Variants in CAMTA1 observed in about 807,000 individuals in gnomAD.
The protein encoded by CAMTA1 is calmodulin-binding transcription activator 1.
Under a neutral mutation model 170.9 loss-of-function variants are expected in CAMTA1, and 27 were observed. The ratio of observed to expected loss-of-function variants is 0.16; its 90% CI spans 0.12 to 0.22. The LOEUF (loss-of-function observed/expected upper bound fraction) is 0.22. Ranked by LOEUF, CAMTA1 falls within the 10% of genes least tolerant of loss-of-function variation. The pLI, the probability that CAMTA1 is intolerant of heterozygous loss-of-function variation, is 1.00. For missense variants in CAMTA1, 1,619 were observed against 2,217.2 expected (o/e 0.73, Z 5.42); for synonymous variants, 833 against 891.5 (o/e 0.93, Z 1.17).
At chr1:7,382,919 G>A (rs1193262088) in intron 5 of CAMTA1, among the ~76,000 whole-genome samples, 1 of 152,100 alleles carries the variant, frequency 6.6e-6, no homozygotes, top group Non-Finnish European at 1.5e-5. Flanking sequence ...TTGAGAAAAT[G>A]CTTTCCTTTT....
At chr1:7,221,311 C>G (rs1660722345) in intron 4 of CAMTA1, among the ~76,000 whole-genome samples, 1 of 151,854 alleles carries the variant, frequency 6.6e-6, no homozygotes, top group Non-Finnish European at 1.5e-5. Context: ...CACTCAAGCA[C>G]TTGATGGGTA....
Position 7,592,845 on chromosome 1 carries a change from TG to T in CAMTA1, c.511-47554del, listed in dbSNP as rs552906834. ...GTAACAACAGTAATAGCTATGGCCA[TG>T]TGTTAAACATTAGGGCGGGATCAGG... On this transcript the variant is annotated intron_variant, in intron 6 of 22. Transcript: ENST00000303635. The surrounding 1 kb of genome is among the most constrained non-coding windows in gnomAD (Gnocchi z 4.6). 7.9e-5 allele frequency among the ~76,000 whole-genome samples: 12 copies of T among 152,284 alleles called. No individual in the cohort carries two copies. In the South Asian group the frequency reaches 2.3e-3, roughly 29 times the overall value.
At chr1:7,327,144 C>T (rs888131321) in intron 5 of CAMTA1, among the ~76,000 whole-genome samples, 32 of 151,760 alleles carry the variant, frequency 2.1e-4, no homozygotes, top group African/African-American at 7.3e-4. Flanking sequence ...AGGCCGGGCG[C>T]AGTGGCTCAC....
chr1:7,555,952 C>T (rs1288030334), intron 6 of CAMTA1, among the ~76,000 whole-genome samples: 1 of 152,208 alleles, frequency 6.6e-6, no homozygotes, highest in East Asian at 1.9e-4. Context: ...GATCAGCAGG[C>T]GGCTGCCTGT....
intron 3 of CAMTA1, among the ~76,000 whole-genome samples, chr1:6,863,008 C>T (rs990528038): frequency 6.6e-6 from 1 of 152,118 alleles, no homozygotes; most frequent in African/African-American, 2.4e-5. Flanking sequence ...TAAACTTTCC[C>T]CCAGCTTTGT....
intron 5 of CAMTA1, among the ~76,000 whole-genome samples, chr1:7,434,172 G>A (rs1175403946): frequency 3.9e-5 from 6 of 152,156 alleles, no homozygotes; most frequent in Non-Finnish European, 7.3e-5. Context: ...CAGAAAGGAG[G>A]AGGCTGGCCC....
chr1:7,108,715 C>A (rs1643845285), intron 4 of CAMTA1, among the ~76,000 whole-genome samples: 1 of 152,204 alleles, frequency 6.6e-6, no homozygotes, highest in Non-Finnish European at 1.5e-5. Flanking sequence ...ATTCATCCAA[C>A]AAATATTTAT....
At chr1:6,842,512 A>G (rs2148707008) in intron 3 of CAMTA1, among the ~76,000 whole-genome samples, 1 of 152,388 alleles carries the variant, frequency 6.6e-6, no homozygotes, top group East Asian at 1.9e-4. Flanking sequence ...GAGGATTTTA[A>G]AAAGCTCCCT....
At chr1:7,126,981 G>T (rs1644970690) in intron 4 of CAMTA1, among the ~76,000 whole-genome samples, 1 of 152,098 alleles carries the variant, frequency 6.6e-6, no homozygotes, top group South Asian at 2.1e-4. Context: ...GTGTTAGCCA[G>T]GATGGTCTTG....
chr1:7,570,508 G>T lies in CAMTA1; in HGVS notation c.511-69892G>T, dbSNP rs1241805045. ...CCAGCAGGAGTTTGGCTGCACATGG[G>T]CCCCAGCCAGAGACCTGGAGGCTGT... On this transcript the variant is annotated intron_variant, in intron 6 of 22. Coordinates refer to ENST00000303635, the MANE Select transcript of CAMTA1 (RefSeq NM_015215.4). The surrounding 1 kb of genome is among the most constrained non-coding windows in gnomAD (Gnocchi z 4.3). Among the ~76,000 whole-genome samples the T allele has an allele frequency of 6.6e-6, 1 of 152,222 alleles. No homozygotes were observed. Among genetic ancestry groups the T allele is most frequent in the Admixed American group, 6.5e-5 (1 of 15,280 alleles).
In CAMTA1 at chr1:6,810,743, G is replaced by A. The variant is rs569457976; in HGVS notation, c.46-9438G>A. On this transcript the variant is annotated intron_variant, in intron 1 of 22. Coordinates refer to ENST00000303635, the MANE Select transcript of CAMTA1 (RefSeq NM_015215.4). Reference sequence around the variant, plus strand: ...TGGCATGAACCCGGAGGCGGAGCTTGCAGTGAGCTGAGATCGTGCCACTGT... The same window carrying A: ...TGGCATGAACCCGGAGGCGGAGCTTACAGTGAGCTGAGATCGTGCCACTGT... 2.6e-4 allele frequency among the ~76,000 whole-genome samples: 39 copies of A among 152,272 alleles called. 1 individual carries two copies. The highest frequency in any genetic ancestry group is 7.2e-4 in the African/African-American group (30 of 41,558).
intron 5 of CAMTA1, among the ~76,000 whole-genome samples, chr1:7,348,673 G>A (rs576174557): frequency 6.6e-6 from 1 of 152,354 alleles, no homozygotes; most frequent in Non-Finnish European, 1.5e-5. Flanking sequence ...GAGAGAGCAA[G>A]AGATAATAGG....
intron 4 of CAMTA1, among the ~76,000 whole-genome samples, chr1:7,218,912 A>G (rs1160267618): frequency 1.3e-5 from 2 of 151,986 alleles, no homozygotes; most frequent in Non-Finnish European, 2.9e-5. Flanking sequence ...TTTTCAGAGG[A>G]TGCGTTGGGA....
chr1:7,451,159 C>T (rs892336884), intron 5 of CAMTA1, among the ~76,000 whole-genome samples: 37 of 152,194 alleles, frequency 2.4e-4, no homozygotes, highest in African/African-American at 7.7e-4. Context: ...TGAGCCAGCC[C>T]CATCTCTCCC....
At chr1:6,869,801 T>C (rs554557684) in intron 3 of CAMTA1, among the ~76,000 whole-genome samples, 1 of 152,172 alleles carries the variant, frequency 6.6e-6, no homozygotes, top group Non-Finnish European at 1.5e-5. Flanking sequence ...TTGGTTGTAA[T>C]ATTCAGGCAC....
intron 5 of CAMTA1, among the ~76,000 whole-genome samples, chr1:7,319,898 T>TA (rs1678115357): frequency 6.6e-6 from 1 of 152,228 alleles, no homozygotes; most frequent in African/African-American, 2.4e-5. Flanking sequence ...TTTTGTTATT[T>TA]ATTCTATGGC....
At chr1:7,536,429 CT>C (rs779733462) in intron 6 of CAMTA1, among the ~76,000 whole-genome samples, 16 of 152,144 alleles carry the variant, frequency 1.1e-4, no homozygotes, top group Admixed American at 2.0e-4. Context: ...GCAGCCTGCC[CT>C]TTGCTGTGGG....
intron 3 of CAMTA1, among the ~76,000 whole-genome samples, chr1:6,937,485 AC>A (rs1450011877): frequency 9.9e-5 from 15 of 151,282 alleles, no homozygotes; most frequent in Non-Finnish European, 1.3e-4. Flanking sequence ...CATCACCATC[AC>A]CATCATCATT....
intron 3 of CAMTA1, among the ~76,000 whole-genome samples, chr1:6,958,441 C>G (rs1002835289): frequency 1.3e-5 from 2 of 152,182 alleles, no homozygotes; most frequent in Non-Finnish European, 2.9e-5. Context: ...CAGCTGGACT[C>G]TCCTCTCGGA....
Sources: allele counts gnomAD v4.1 joint callset (sites outside exome capture counted in the v4.1 genomes callset), GRCh38; gene constraint gnomAD v4.1.1; non-coding constraint Gnocchi (gnomAD v3.1); transcripts MANE v1.5; gene names NCBI Gene and HGNC (gene_info 2026-07-23, HGNC 2026-07-21).